ERAP1: variants seen among roughly 807,000 people sequenced by gnomAD.
The protein encoded by ERAP1 is endoplasmic reticulum aminopeptidase 1.
A neutral mutation model predicts 103.7 loss-of-function variants in ERAP1; 86 were observed. The observed-to-expected ratio is 0.83, with a 90% CI of 0.70 to 0.99. The LOEUF (loss-of-function observed/expected upper bound fraction) is 0.99. ERAP1 is among the 50% of genes least tolerant of loss of function. The pLI is 0.00. For synonymous variants in ERAP1, 398 were observed against 402.4 expected (o/e 0.99, Z 0.13); for missense variants, 1,009 against 1,128.4 (o/e 0.89, Z 1.52).
intron 10 of ERAP1, among the ~76,000 whole-genome samples, chr5:96,789,491 A>AT (rs1430728915): frequency 6.6e-6 from 1 of 152,020 alleles, no homozygotes; most frequent in Non-Finnish European, 1.5e-5. Context: ...TGTCTCAAAA[A>AT]AAAAAGAATT....
the ERAP1 span, among the ~76,000 whole-genome samples, chr5:96,930,839 C>A: frequency 6.6e-6 from 1 of 152,098 alleles, no homozygotes; most frequent in Non-Finnish European, 1.5e-5. Context: ...CTAGACAAGC[C>A]TTCATTGGAG....
chr5:96,895,632 G>A, the ERAP1 span, among the ~76,000 whole-genome samples: 19 of 152,178 alleles, frequency 1.2e-4, no homozygotes, highest in African/African-American at 4.6e-4. Context: ...TGAGAGGAAA[G>A]AACATCACTG....
At chr5:96,858,930 CCAA>C in the ERAP1 span, among the ~76,000 whole-genome samples, 2 of 152,078 alleles carry the variant, frequency 1.3e-5, no homozygotes, top group African/African-American at 4.8e-5. Flanking sequence ...AAACACAAAT[CCAA>C]CAACATCACA....
At chr5:96,843,595 G>C in the ERAP1 span, among the ~76,000 whole-genome samples, 1 of 152,122 alleles carries the variant, frequency 6.6e-6, no homozygotes, top group Non-Finnish European at 1.5e-5. Context: ...TTTAGTTCCA[G>C]GAATTCAGCT....
chr5:96,801,395 T>C (rs1359979053), intron 2 of ERAP1, among the ~76,000 whole-genome samples: 1 of 151,204 alleles, frequency 6.6e-6, no homozygotes, highest in Non-Finnish European at 1.5e-5. Flanking sequence ...GAGGCAGAGG[T>C]TTCAGTGACC....
At chr5:96,799,492 G>C (rs1211483196) in intron 3 of ERAP1, among the ~76,000 whole-genome samples, 1 of 151,978 alleles carries the variant, frequency 6.6e-6, no homozygotes, top group African/African-American at 2.4e-5. Flanking sequence ...AGTGGATCCT[G>C]GATATCCATG....
chr5:96,781,776 T>G lies in ERAP1; in HGVS notation c.2364A>C (p.Lys788Asn). 1 of 1,614,120 alleles carries G rather than the reference T, an allele frequency of 6.2e-7. No homozygotes were observed. Among genetic ancestry groups the G allele is most frequent in the Non-Finnish European group, 8.5e-7 (1 of 1,180,030 alleles). The change falls in exon 16 of 19, where the codon AAA (lysine) becomes AAC (asparagine). Residue 788 changes from lysine to asparagine, a missense_variant. This residue lies in a region of ERAP1 where 611 missense variants were observed against 651.7 expected (regional missense o/e 0.94). Transcript: ENST00000443439. ...CAGTACTGGACAAAGAAAACTGATA[T>G]TTACTATAAAGAAAATCCCAGCCTT... The part of the protein sequence containing the change: ...STEGWDFLYS[K>N]YQFSLSSTEK...
chr5:96,811,367 T>A (rs1191615363), upstream of ERAP1, among the ~76,000 whole-genome samples: 1 of 152,192 alleles, frequency 6.6e-6, no homozygotes, highest in Admixed American at 6.5e-5. Flanking sequence ...CATGGGATCC[T>A]CACATTGTAC....
At chr5:96,791,381 TCTGTTTG>T (rs1776716723) in intron 8 of ERAP1, among the ~76,000 whole-genome samples, 1 of 152,198 alleles carries the variant, frequency 6.6e-6, no homozygotes, top group Non-Finnish European at 1.5e-5. Context: ...GAAAGACTTT[TCTGTTTG>T]CTACCGGTAA....
At chr5:96,780,604 A>T (rs763784645) in intron 17 of ERAP1, 100 bp from the exon 18 acceptor site, 1 of 929,772 alleles carries the variant, frequency 1.1e-6, no homozygotes, top group Non-Finnish European at 1.7e-6. Flanking sequence ...CTAAAAACTG[A>T]TCGGTGTGAA....
At chr5:96,879,746 G>T in the ERAP1 span, 1 of 1,614,000 alleles carries the variant, frequency 6.2e-7, no homozygotes, top group Admixed American at 1.7e-5. Context: ...CATTCACAGA[G>T]GATTTTACTG....
the ERAP1 span, among the ~76,000 whole-genome samples, chr5:96,929,206 T>G: frequency 6.6e-6 from 1 of 152,182 alleles, no homozygotes; most frequent in African/African-American, 2.4e-5. Flanking sequence ...TTTACTTCCT[T>G]TCATTCCTGC....
At chr5:96,779,971 A>G (rs1283602416) in intron 18 of ERAP1, among the ~76,000 whole-genome samples, 1 of 152,184 alleles carries the variant, frequency 6.6e-6, no homozygotes, top group Non-Finnish European at 1.5e-5. Flanking sequence ...TCTTTTATAC[A>G]TGGATCTTAA....
At chr5:96,855,576 T>G in the ERAP1 span, among the ~76,000 whole-genome samples, 1 of 152,238 alleles carries the variant, frequency 6.6e-6, no homozygotes, top group African/African-American at 2.4e-5. Flanking sequence ...GAAGACTGTC[T>G]GTTCCTTTCC....
At chr5:96,903,505 C>A in the ERAP1 span, 1 of 1,613,826 alleles carries the variant, frequency 6.2e-7, no homozygotes, top group African/African-American at 1.3e-5. Flanking sequence ...GAACCACACA[C>A]TTCTCAGACC....
rs774182424 is a variant in ERAP1, at chr5:96,766,181, T to C, written c.2819-2953A>G. Reference sequence around the variant, plus strand: ...GCAAATTGCTAGATCGGATTTATGCTACCAAGATCTTTAAATTCAAACCTC... The same window carrying C: ...GCAAATTGCTAGATCGGATTTATGCCACCAAGATCTTTAAATTCAAACCTC... On this transcript the variant is annotated intron_variant, in intron 19 of 19. Transcript: ENST00000296754. The C allele has an allele frequency of 7.0e-6, 8 of 1,147,588 alleles. No homozygotes were observed. The Admixed American group carries it at 7.2e-5, about 10-fold the overall frequency. The allele number at this position is 1,147,588 out of a possible 1,614,324, so 71.1% of individuals were successfully genotyped here.
At chr5:96,822,793 A>G in the ERAP1 span, 1 of 259,006 alleles carries the variant, frequency 3.9e-6, no homozygotes, top group African/African-American at 2.3e-5. Context: ...TCCATGTGAC[A>G]AACTGCCACA....
At chr5:96,791,444 C>T (rs547154628) in intron 8 of ERAP1, among the ~76,000 whole-genome samples, 1 of 152,252 alleles carries the variant, frequency 6.6e-6, no homozygotes, top group Admixed American at 6.5e-5. Context: ...CTCTCAGCCT[C>T]GGTGAGAAGA....
chr5:96,917,137 C>T, the ERAP1 span, among the ~76,000 whole-genome samples: 1 of 152,044 alleles, frequency 6.6e-6, no homozygotes, highest in Non-Finnish European at 1.5e-5. Flanking sequence ...GAAACTGCCT[C>T]GCTCTGTCAG....
Sources: gnomAD v4.1 joint callset for allele counts (sites outside exome capture counted in the v4.1 genomes callset) on GRCh38, gnomAD v4.1.1 for gene constraint, gnomAD v4.1.1 regional missense constraint, MANE v1.5 for transcripts, NCBI Gene and HGNC (gene_info 2026-07-23, HGNC 2026-07-21) for gene names.